Variants in RIN2 observed in about 807,000 individuals in gnomAD.
RIN2 encodes the protein Ras and Rab interactor 2, also known as RAB5 interacting protein 2.
In RIN2, 36 loss-of-function variants were observed where a neutral mutation model predicts 78.0. The ratio of observed to expected loss-of-function variants is 0.46; its 90% CI spans 0.35 to 0.61. The LOEUF (loss-of-function observed/expected upper bound fraction) is 0.61, where lower values mean the gene tolerates loss of function less well. Ranked by LOEUF, RIN2 falls within the 20% of genes least tolerant of loss-of-function variation. RIN2 has a pLI of 0.00. For missense variants in RIN2, 1,087 were observed against 1,159.7 expected (o/e 0.94, Z 0.91); for synonymous variants, 466 against 466.8 (o/e 1.00, Z 0.02).
chr20:19,886,395 A>G, intron 2 of RIN2: 1 of 329,256 alleles, frequency 3.0e-6, no homozygotes. Context: ...TCTTGGGGCC[A>G]CACGGAAAGC....
At chr20:19,810,161 G>A (rs940600904) in intron 2 of RIN2, among the ~76,000 whole-genome samples, 6 of 151,884 alleles carry the variant, frequency 4.0e-5, no homozygotes, top group Admixed American at 2.6e-4. Context: ...CACTTTGGGA[G>A]GCCAAGGCAG....
intron 2 of RIN2, among the ~76,000 whole-genome samples, chr20:19,802,975 C>T (rs907546065): frequency 6.6e-6 from 1 of 152,166 alleles, no homozygotes; most frequent in Non-Finnish European, 1.5e-5. Context: ...TTCTCTTGTT[C>T]TCGGGCTTCT....
chr20:19,953,246 C>T (rs1229998006), intron 4 of RIN2, among the ~76,000 whole-genome samples: 7 of 151,970 alleles, frequency 4.6e-5, no homozygotes, highest in South Asian at 2.1e-4. Context: ...TCAAGGCTGC[C>T]TCAGCCTCCT....
At chr20:19,924,447 CT>C (rs370250733) in intron 3 of RIN2, among the ~76,000 whole-genome samples, 6 of 86,842 alleles carry the variant, frequency 6.9e-5, no homozygotes, top group East Asian at 3.7e-4. Context: ...CCTTCATACC[CT>C]CACCTTCATA....
intron 2 of RIN2, among the ~76,000 whole-genome samples, chr20:19,842,709 C>T (rs1285663856): frequency 6.6e-6 from 1 of 151,996 alleles, no homozygotes; most frequent in Non-Finnish European, 1.5e-5. Context: ...TGTTTTCAGG[C>T]CTGCTAACAC....
chr20:19,823,388 C>CTTCTT, intron 2 of RIN2: 3 of 376,670 alleles, frequency 8.0e-6, no homozygotes, highest in African/African-American at 1.1e-4. Flanking sequence ...GCTCTGCCTG[C>CTTCTT]TTTTTTTTTT....
chr20:19,799,003 A>G (rs1460050741), intron 1 of RIN2, among the ~76,000 whole-genome samples: 1 of 152,004 alleles, frequency 6.6e-6, no homozygotes, highest in Non-Finnish European at 1.5e-5. Flanking sequence ...AGGCTCAAGC[A>G]ATCCTCCCAC....
At chr20:19,826,879 A>G (rs936319013) in intron 2 of RIN2, among the ~76,000 whole-genome samples, 3 of 150,476 alleles carry the variant, frequency 2.0e-5, no homozygotes, top group African/African-American at 4.9e-5. Context: ...TCAACTCCCT[A>G]TTTGAAATTC....
chr20:19,925,945 A>G (rs1459660627), intron 3 of RIN2, among the ~76,000 whole-genome samples: 1 of 152,188 alleles, frequency 6.6e-6, no homozygotes, highest in Non-Finnish European at 1.5e-5. Flanking sequence ...TCTGGAAACA[A>G]CTAAGCCTCT....
In RIN2 at chr20:20,000,609, G is replaced by A; in HGVS notation, c.2365-4G>A. The A allele has an allele frequency of 6.3e-7, 1 of 1,586,252 alleles. No homozygotes were observed. The highest frequency in any genetic ancestry group is 8.6e-7 in the Non-Finnish European group (1 of 1,161,706). ...CTGTCTCAACATTCCTCTTCCACCT[G>A]CAGAATTACCTCCGAGTTGCATTTC... On this transcript the variant is annotated splice_polypyrimidine_tract_variant and splice_region_variant and intron_variant, in intron 12 of 12. Coordinates refer to ENST00000255006, the MANE Select transcript of RIN2 (RefSeq NM_018993.4).
At chr20:19,920,005 T>G (rs2039844262) in intron 3 of RIN2, among the ~76,000 whole-genome samples, 1 of 151,932 alleles carries the variant, frequency 6.6e-6, no homozygotes. Flanking sequence ...AGAAAGAACG[T>G]CATCCCAGGC....
At chr20:19,972,556 G>A (rs1207293510) in intron 8 of RIN2, among the ~76,000 whole-genome samples, 1 of 152,236 alleles carries the variant, frequency 6.6e-6, no homozygotes. Flanking sequence ...CTGTGCCTCA[G>A]TAAAAGTACT....
chr20:19,816,416 C>T (rs35512160), intron 2 of RIN2, among the ~76,000 whole-genome samples: 45,954 of 151,816 alleles, frequency 0.3, 7,259 homozygotes, highest in African/African-American at 0.4. Context: ...TTTTCCTGTT[C>T]AGAGTAAAGG....
intron 1 of RIN2, among the ~76,000 whole-genome samples, chr20:19,785,061 A>G (rs1007288943): frequency 2.0e-5 from 3 of 152,140 alleles, no homozygotes; most frequent in African/African-American, 7.2e-5. Context: ...ACTTCACTCT[A>G]TCAACGGTAG....
chr20:19,878,794 TC>T (rs2037934665), intron 2 of RIN2, among the ~76,000 whole-genome samples: 1 of 152,156 alleles, frequency 6.6e-6, no homozygotes, highest in Non-Finnish European at 1.5e-5. Flanking sequence ...TTTACTGTTT[TC>T]CATAATCTAA....
chr20:19,778,127 C>T (rs913731632), intron 1 of RIN2, among the ~76,000 whole-genome samples: 4 of 152,204 alleles, frequency 2.6e-5, no homozygotes, highest in Non-Finnish European at 4.4e-5. Context: ...ATGCAGAGGG[C>T]GTTGCCCCGG....
At chr20:19,899,034 C>T (rs992779625) in intron 3 of RIN2, among the ~76,000 whole-genome samples, 1 of 152,170 alleles carries the variant, frequency 6.6e-6, no homozygotes. Context: ...CACGCCCCAC[C>T]TTTTTAATCT....
chr20:19,888,521 C>T lies in RIN2; in HGVS notation c.-36-1045C>T, dbSNP rs945293192. Among the ~76,000 whole-genome samples the T allele has an allele frequency of 5.3e-5, 8 of 152,346 alleles. No individual in the cohort carries two copies. In the East Asian group the frequency reaches 5.8e-4, roughly 11 times the overall value. ...GCAGCTGCCTTAGCTTCAGTGCCTA[C>T]CCACCCCTGCAGCTGAACCACTTTG... On this transcript the variant is annotated intron_variant, in intron 2 of 12. Transcript: ENST00000255006.
chr20:19,925,394 A>C (rs1465477562), intron 3 of RIN2, among the ~76,000 whole-genome samples: 1 of 152,252 alleles, frequency 6.6e-6, no homozygotes, highest in African/African-American at 2.4e-5. Context: ...CAAGATGAGG[A>C]ACTTCTTTCT....
Sources: gnomAD v4.1 joint callset for allele counts (sites outside exome capture counted in the v4.1 genomes callset) on GRCh38, gnomAD v4.1.1 for gene constraint, MANE v1.5 for transcripts, NCBI Gene and HGNC (gene_info 2026-07-23, HGNC 2026-07-21) for gene names.